PPHLN1: variants seen among roughly 807,000 people sequenced by gnomAD.
The protein encoded by PPHLN1 is periphilin 1, also known as periphilin-1.
PPHLN1 carries 29 observed loss-of-function variants against 51.3 expected under a neutral mutation model. The observed-to-expected ratio is 0.57, with a 90% CI of 0.42 to 0.77. The LOEUF (loss-of-function observed/expected upper bound fraction) is 0.77, where lower values mean the gene tolerates loss of function less well. Among genes scored for constraint, PPHLN1 ranks in the 30% least tolerant of loss-of-function variants. The probability of loss-of-function intolerance (pLI) is 0.00; values close to 1 mark genes in which losing one functional copy is unlikely to be tolerated. For synonymous variants in PPHLN1, 147 were observed against 147.8 expected (o/e 0.99, Z 0.04); for missense variants, 436 against 438.4 (o/e 0.99, Z 0.05).
intron 9 of PPHLN1, among the ~76,000 whole-genome samples, chr12:42,411,176 C>A (rs1365074311): frequency 6.6e-6 from 1 of 151,360 alleles, no homozygotes; most frequent in Non-Finnish European, 1.5e-5. Context: ...TCTTTCATAT[C>A]TTGTGAAAGA....
At chr12:42,436,060 C>G (rs902502504) in intron 9 of PPHLN1, among the ~76,000 whole-genome samples, 1 of 152,206 alleles carries the variant, frequency 6.6e-6, no homozygotes, top group African/African-American at 2.4e-5. Context: ...TCTCCAGTCT[C>G]CACCATCCCA....
At chr12:42,377,823 T>G (rs895080927) in intron 5 of PPHLN1, among the ~76,000 whole-genome samples, 1 of 152,090 alleles carries the variant, frequency 6.6e-6, no homozygotes, top group Admixed American at 6.5e-5. Context: ...ACAGAAATTT[T>G]GGGGGCGAGC....
intron 8 of PPHLN1, among the ~76,000 whole-genome samples, chr12:42,396,331 A>G (rs2078191433): frequency 6.6e-6 from 1 of 152,046 alleles, no homozygotes; most frequent in South Asian, 2.1e-4. Flanking sequence ...GTTTTCTTAT[A>G]GTTTATTTAA....
chr12:42,337,776 AT>A (rs371336953), intron 2 of PPHLN1, among the ~76,000 whole-genome samples: 1,659 of 111,238 alleles, frequency 0.015, 28 homozygotes, highest in African/African-American at 0.049. Flanking sequence ...ATTTTATTTT[AT>A]TTTATTTATT....
intron 5 of PPHLN1, among the ~76,000 whole-genome samples, chr12:42,382,885 A>C (rs1292127904): frequency 2.0e-5 from 3 of 152,220 alleles, no homozygotes; most frequent in African/African-American, 7.2e-5. Context: ...ACACGAGCAC[A>C]TCAGCGGAAA....
At chr12:42,337,748 C>CTATTT (rs2070880154) in intron 2 of PPHLN1, among the ~76,000 whole-genome samples, 1 of 116,840 alleles carries the variant, frequency 8.6e-6, no homozygotes, top group Non-Finnish European at 1.8e-5. Flanking sequence ...CCATACCTGG[C>CTATTT]TATTTTTATT....
downstream of PPHLN1, chr12:42,446,122 TCGGA>T: frequency 6.4e-7 from 1 of 1,563,994 alleles, no homozygotes; most frequent in Non-Finnish European, 8.7e-7. Context: ...AACGGGTTCG[TCGGA>T]CGACACAGCT....
chr12:42,360,565 G>A (rs1032623796), intron 4 of PPHLN1, among the ~76,000 whole-genome samples: 4 of 145,796 alleles, frequency 2.7e-5, no homozygotes, highest in Admixed American at 2.1e-4. Context: ...GTGTGGTCTC[G>A]GCTCACTGCA....
rs1306024533 is a variant in PPHLN1 at position 42,362,361 on chromosome 12, A to G, written c.299+7139A>G. 1.3e-5 allele frequency among the ~76,000 whole-genome samples: 2 copies of G among 152,128 alleles called. 1 individual carries two copies. Among genetic ancestry groups the G allele is most frequent in the Non-Finnish European group, 2.9e-5 (2 of 68,026 alleles). On this transcript the variant is annotated intron_variant, in intron 4 of 9. Coordinates refer to ENST00000358314, the MANE Select transcript of PPHLN1 (RefSeq NM_201439.2). ...TTATTGATAATATTCTTTGATGCAC[A>G]TTTTAAATTTTGATGAAGTCCAATT... is the stretch of plus-strand genomic sequence containing the variant.
At chr12:42,415,323 C>A (rs1448038879) in intron 9 of PPHLN1, among the ~76,000 whole-genome samples, 1 of 152,148 alleles carries the variant, frequency 6.6e-6, no homozygotes. Context: ...AGGCGCATGC[C>A]ACCACACCCA....
At chr12:42,370,867 T>G (rs942964252) in intron 4 of PPHLN1, among the ~76,000 whole-genome samples, 16 of 152,194 alleles carry the variant, frequency 1.1e-4, no homozygotes, top group Admixed American at 6.5e-4. Context: ...TCTCACTCTG[T>G]TGCCTAGGCT....
chr12:42,406,272 A>G (rs1488427788), intron 9 of PPHLN1, among the ~76,000 whole-genome samples: 1 of 151,480 alleles, frequency 6.6e-6, no homozygotes, highest in Non-Finnish European at 1.5e-5. Flanking sequence ...TTTAGTAGAG[A>G]TGGGGTTTCC....
chr12:42,400,399 C>G (rs1319056753), intron 9 of PPHLN1: 1 of 141,086 alleles, frequency 7.1e-6, no homozygotes, highest in Non-Finnish European at 1.5e-5. Flanking sequence ...ACCCGGGAGG[C>G]GGAGCTTGCA....
intron 2 of PPHLN1, among the ~76,000 whole-genome samples, chr12:42,341,020 G>A (rs1449594571): frequency 3.0e-5 from 4 of 132,510 alleles, no homozygotes; most frequent in African/African-American, 5.9e-5. Flanking sequence ...TTGCTCTGTC[G>A]CCCAGGTTGG....
chr12:42,350,978 G>A (rs987205844), intron 2 of PPHLN1, among the ~76,000 whole-genome samples: 2 of 151,746 alleles, frequency 1.3e-5, no homozygotes, highest in Non-Finnish European at 2.9e-5. Context: ...AGGAGGGAGA[G>A]GGGGAGACCA....
intron 5 of PPHLN1, among the ~76,000 whole-genome samples, chr12:42,375,805 A>G (rs761710620): frequency 1.3e-5 from 2 of 152,150 alleles, no homozygotes; most frequent in Admixed American, 6.5e-5. Flanking sequence ...TGACACAACT[A>G]CTTTTCTAGA....
At chr12:42,414,808 T>C (rs1262134378) in intron 9 of PPHLN1, among the ~76,000 whole-genome samples, 2 of 152,248 alleles carry the variant, frequency 1.3e-5, no homozygotes, top group African/African-American at 2.4e-5. Context: ...GCCTACTCCA[T>C]TGAATTCTTA....
intron 1 of PPHLN1, among the ~76,000 whole-genome samples, chr12:42,327,620 T>C (rs2069005142): frequency 6.6e-6 from 1 of 152,244 alleles, no homozygotes; most frequent in African/African-American, 2.4e-5. Flanking sequence ...TTTTGCTATG[T>C]ACTCTTAGCT....
intron 2 of PPHLN1, among the ~76,000 whole-genome samples, chr12:42,350,883 A>G (rs1056301553): frequency 2.6e-5 from 4 of 151,966 alleles, no homozygotes; most frequent in Non-Finnish European, 5.9e-5. Flanking sequence ...AGAATCAGGC[A>G]GGGAGAGGTT....
Sources: allele counts gnomAD v4.1 joint callset (sites outside exome capture counted in the v4.1 genomes callset), GRCh38; gene constraint gnomAD v4.1.1; transcripts MANE v1.5; gene names NCBI Gene and HGNC (gene_info 2026-07-23, HGNC 2026-07-21).